LRBA: variants seen among roughly 807,000 people sequenced by gnomAD.
LRBA encodes the protein LPS responsive beige-like anchor protein, also known as lipopolysaccharide-responsive and beige-like anchor protein.
LRBA carries 176 observed loss-of-function variants against 330.0 expected under a neutral mutation model. That is an observed-to-expected ratio of 0.53 (90% CI 0.47 to 0.60). LRBA has a LOEUF of 0.60. Among genes scored for constraint, LRBA ranks in the 20% least tolerant of loss-of-function variants. LRBA has a pLI of 0.00. For synonymous variants in LRBA, 1,230 were observed against 1,193.0 expected, an observed-to-expected ratio of 1.03 and a Z score of -0.64; for missense variants, 3,259 against 3,444.8, an observed-to-expected ratio of 0.95 and a Z score of 1.35.
At chr4:150,484,592 C>A (rs1757654501) in intron 42 of LRBA, among the ~76,000 whole-genome samples, 1 of 151,610 alleles carries the variant, frequency 6.6e-6, no homozygotes, top group Non-Finnish European at 1.5e-5. Context: ...CAAGAGACAG[C>A]TTTTCATTAC....
chr4:150,407,693 A>C (rs150569287), intron 47 of LRBA, among the ~76,000 whole-genome samples: 1 of 152,170 alleles, frequency 6.6e-6, no homozygotes, highest in Admixed American at 6.6e-5. Context: ...TCCAATCACA[A>C]TGAAATTAAA....
chr4:150,763,654 C>A (rs1236651770), intron 34 of LRBA, among the ~76,000 whole-genome samples: 4 of 151,768 alleles, frequency 2.6e-5, no homozygotes, highest in Non-Finnish European at 5.9e-5. Flanking sequence ...AAAGCAGAAA[C>A]CTCAAATTTT....
intron 40 of LRBA, among the ~76,000 whole-genome samples, chr4:150,562,770 A>T (rs1768538792): frequency 6.6e-6 from 1 of 151,904 alleles, no homozygotes; most frequent in East Asian, 1.9e-4. Context: ...ACTCATTTTC[A>T]TTTCTCTCAT....
chr4:150,611,085 A>C (rs1775209411), intron 37 of LRBA, among the ~76,000 whole-genome samples: 1 of 152,072 alleles, frequency 6.6e-6, no homozygotes, highest in South Asian at 2.1e-4. Context: ...TAGGGAGGAG[A>C]AGGTTGTTGT....
At chr4:150,552,886 G>A (rs1357315544) in intron 40 of LRBA, among the ~76,000 whole-genome samples, 2 of 151,770 alleles carry the variant, frequency 1.3e-5, no homozygotes, top group Non-Finnish European at 2.9e-5. Flanking sequence ...TGGATAGCAC[G>A]GTGAAACCCC....
In LRBA at chr4:150,928,980, T is replaced by G; in HGVS notation, c.302A>C (p.Lys101Thr). The part of the protein sequence containing the change: ...SINCMVDLLE[K>T]CDITCQAEVW... ...TTCTGCTTGGCACGTAATGTCACATTTTTCCAGTAGGTCCACCATGCAGTT... is the reference window on the plus strand; with the variant it reads ...TTCTGCTTGGCACGTAATGTCACATGTTTCCAGTAGGTCCACCATGCAGTT... The change falls in exon 3 of 57, where the codon AAA (lysine) becomes ACA (threonine). Residue 101 changes from lysine to threonine, a missense_variant. Transcript: ENST00000651943. The G allele has an allele frequency of 6.2e-7, 1 of 1,613,954 alleles. No individual in the cohort carries two copies. Among genetic ancestry groups the G allele is most frequent in the African/African-American group, 1.3e-5 (1 of 75,008 alleles).
At chr4:150,874,205 T>C (rs1468431337) in intron 17 of LRBA, among the ~76,000 whole-genome samples, 2 of 152,122 alleles carry the variant, frequency 1.3e-5, no homozygotes, top group East Asian at 1.9e-4. Context: ...TGAGCTTTAA[T>C]TCAGGAAGAA....
rs192719938 is a variant in LRBA at position 150,976,490 on chromosome 4, T to C, written c.216+37937A>G. ...CAGATATATTAACGTATAAATTATA[T>C]ATGGGTTACTGAATACTAATCTGTT... On this transcript the variant is annotated intron_variant, in intron 2 of 56. Transcript: ENST00000651943. Among the ~76,000 whole-genome samples, 3 of 152,278 alleles carry C rather than the reference T, an allele frequency of 2.0e-5. No individual in the cohort carries two copies. In the East Asian group the frequency reaches 5.8e-4, roughly 29 times the overall value.
At chr4:150,508,238 A>T (rs1405907049) in intron 40 of LRBA, among the ~76,000 whole-genome samples, 13 of 50,858 alleles carry the variant, frequency 2.6e-4, no homozygotes, top group Non-Finnish European at 2.0e-4. Context: ...ATTTAAAAAA[A>T]AAGGGGGGGG....
chr4:150,952,587 G>GTCTGCCTGAGCC (rs1561049400), intron 2 of LRBA, among the ~76,000 whole-genome samples: 2 of 152,072 alleles, frequency 1.3e-5, no homozygotes, highest in Non-Finnish European at 2.9e-5. Flanking sequence ...GTCTGTCAAT[G>GTCTGCCTGAGCC]TCTGCCTGAG....
intron 40 of LRBA, among the ~76,000 whole-genome samples, chr4:150,534,173 T>C (rs1322497045): frequency 2.6e-5 from 4 of 151,530 alleles, no homozygotes; most frequent in Admixed American, 1.3e-4. Flanking sequence ...TATATAATAA[T>C]TACAATGTTA....
At chr4:150,532,567 T>A (rs1764156984) in intron 40 of LRBA, among the ~76,000 whole-genome samples, 1 of 152,040 alleles carries the variant, frequency 6.6e-6, no homozygotes, top group Non-Finnish European at 1.5e-5. Context: ...AAAATACCAG[T>A]GATAATTTAT....
chr4:150,629,571 G>A (rs751673257), intron 37 of LRBA, among the ~76,000 whole-genome samples: 6 of 152,120 alleles, frequency 3.9e-5, no homozygotes, highest in Non-Finnish European at 5.9e-5. Context: ...CCCAGGAGGC[G>A]AAGGTTGCAG....
Position 150,265,545 on chromosome 4 carries a change from G to T in LRBA, c.*177C>A. ...AACCCAGCAGCCAGTTTTCTGCTTT[G>T]CTAATCCCCCCCAAAAAAGTCAAGC... On this transcript the variant is annotated 3_prime_UTR_variant, in exon 57 of 57. Coordinates refer to ENST00000651943, the MANE Select transcript of LRBA (RefSeq NM_001364905.1). The T allele has an allele frequency of 3.8e-6, 2 of 531,282 alleles. No homozygotes were observed. Among genetic ancestry groups the T allele is most frequent in the South Asian group, 4.9e-5 (2 of 40,442 alleles). 32.9% of individuals were successfully genotyped at this position (531,282 alleles called of 1,614,324 possible).
At position 150,315,621 on chromosome 4, in the gene LRBA, GA is replaced by G; in HGVS notation, c.7632del (p.His2545IlefsTer20). ...FAVNKWHNLP[A>X]HQGAVQDQPY... ...GGCTGGTCTTGTACAGCACCTTGAT[GA>G]GCTGGAATTCACAAAAGATAAAGAA... On this transcript the variant is annotated frameshift_variant and splice_region_variant, in exon 51 of 57. Transcript: ENST00000651943. LOFTEE classifies it high-confidence loss of function. 6.3e-7 allele frequency: 1 copy of G among 1,575,462 alleles called. No homozygotes were observed. The highest frequency in any genetic ancestry group is 1.2e-5 in the South Asian group (1 of 85,134).
chr4:150,965,561 A>G (rs1738782586), intron 2 of LRBA, among the ~76,000 whole-genome samples: 1 of 152,186 alleles, frequency 6.6e-6, no homozygotes, highest in African/African-American at 2.4e-5. Flanking sequence ...TATTTGAGAC[A>G]GGGTCTCACT....
At chr4:150,717,876 T>C (rs929882871) in intron 36 of LRBA, among the ~76,000 whole-genome samples, 1 of 151,942 alleles carries the variant, frequency 6.6e-6, no homozygotes, top group African/African-American at 2.4e-5. Flanking sequence ...TGAAAATTCT[T>C]ACTGAAGTTG....
chr4:150,713,822 A>T (rs1786470416), intron 36 of LRBA, among the ~76,000 whole-genome samples: 1 of 152,200 alleles, frequency 6.6e-6, no homozygotes, highest in African/African-American at 2.4e-5. Context: ...ACTTTTATTA[A>T]ATCGACAAAT....
At chr4:150,287,127 C>T (rs2126784570) in intron 53 of LRBA, among the ~76,000 whole-genome samples, 1 of 152,298 alleles carries the variant, frequency 6.6e-6, no homozygotes, top group Admixed American at 6.5e-5. Flanking sequence ...GAGTAAGTGG[C>T]TACCACCAGC....
Sources: allele counts gnomAD v4.1 joint callset (sites outside exome capture counted in the v4.1 genomes callset), GRCh38; gene constraint gnomAD v4.1.1; transcripts MANE v1.5; gene names NCBI Gene and HGNC (gene_info 2026-07-23, HGNC 2026-07-21).